The following CHST6 variants were observed in gnomAD, a reference collection of about 807,000 sequenced individuals.
CHST6 encodes the protein carbohydrate sulfotransferase 6.
For synonymous variants in CHST6, 309 were observed against 276.4 expected, an observed-to-expected ratio of 1.12 and a Z score of -1.17; for missense variants, 698 against 586.2, an observed-to-expected ratio of 1.19 and a Z score of -1.97.
chr16:75,485,572 CTT>C (rs2080187471), intron 1 of CHST6, among the ~76,000 whole-genome samples: 2 of 152,164 alleles, frequency 1.3e-5, no homozygotes, highest in South Asian at 4.1e-4. Flanking sequence ...CTTGTTTTTT[CTT>C]GTTTCCCTTA....
intron 1 of CHST6, among the ~76,000 whole-genome samples, chr16:75,490,362 C>G (rs2080242124): frequency 6.6e-6 from 1 of 151,776 alleles, no homozygotes; most frequent in Non-Finnish European, 1.5e-5. Context: ...CCTGTAAACC[C>G]AGCTACTCGG....
chr16:75,478,620 C>G lies in CHST6; in HGVS notation c.*21G>C. ...TGCACTCTCCTCCCGGGCCTAGCGC[C>G]TGCTACAACTGTGGCCTCCACTAAT... On this transcript the variant is annotated 3_prime_UTR_variant, in exon 3 of 3. Coordinates refer to ENST00000332272, the MANE Select transcript of CHST6 (RefSeq NM_021615.5). 1 of 1,611,042 alleles carries G rather than the reference C, an allele frequency of 6.2e-7. No homozygotes were observed. Among genetic ancestry groups the G allele is most frequent in the Non-Finnish European group, 8.5e-7 (1 of 1,178,224 alleles).
rs765859166 is a variant in CHST6 at position 75,479,035 on chromosome 16, C to T, written c.794G>A (p.Arg265His). Residue 265 changes from arginine to histidine, a missense_variant, in exon 3 of 3, where the codon CGC (arginine) becomes CAC (histidine). Coordinates refer to ENST00000332272, the MANE Select transcript of CHST6 (RefSeq NM_021615.5). Reference sequence around the variant, plus strand: ...GAAGCGCACCAGGCGGTAGCGGCCGCGCAGAAAGGGTGGCGGCTTGAGTGT... The same window carrying T: ...GAAGCGCACCAGGCGGTAGCGGCCGTGCAGAAAGGGTGGCGGCTTGAGTGT... ...AATLKPPPFL[R>H]GRYRLVRFED... 6.2e-7 allele frequency: 1 copy of T among 1,609,586 alleles called. No individual in the cohort carries two copies. The highest frequency in any genetic ancestry group is 8.5e-7 in the Non-Finnish European group (1 of 1,179,786).
intron 1 of CHST6, among the ~76,000 whole-genome samples, chr16:75,486,154 C>T (rs966511771): frequency 6.6e-6 from 1 of 152,238 alleles, no homozygotes; most frequent in African/African-American, 2.4e-5. Context: ...ATTTCAGCCT[C>T]GCCTGCAGCC....
intron 1 of CHST6, among the ~76,000 whole-genome samples, chr16:75,489,688 C>G (rs111750821): frequency 1.3e-5 from 2 of 152,058 alleles, no homozygotes; most frequent in African/African-American, 4.8e-5. Flanking sequence ...ATCATGTCTA[C>G]AGAATGGGAC....
At chr16:75,482,160 C>G (rs561066093) in intron 1 of CHST6, among the ~76,000 whole-genome samples, 5 of 152,136 alleles carry the variant, frequency 3.3e-5, no homozygotes, top group Admixed American at 6.5e-5. Context: ...AGTCTCCCCC[C>G]AGAGGAGACA....
intron 1 of CHST6, among the ~76,000 whole-genome samples, chr16:75,488,005 CA>C (rs1175743302): frequency 6.6e-6 from 1 of 151,834 alleles, no homozygotes; most frequent in African/African-American, 2.4e-5. Flanking sequence ...AAAAAACAAA[CA>C]AACAAACAAA....
At chr16:75,492,075 C>T (rs1256616677) in intron 1 of CHST6, among the ~76,000 whole-genome samples, 2 of 152,208 alleles carry the variant, frequency 1.3e-5, no homozygotes, top group Non-Finnish European at 2.9e-5. Context: ...GACTGCAAGG[C>T]CCAGATGCTG....
chr16:75,474,090 G>C lies in CHST6; in HGVS notation c.*4551C>G, dbSNP rs553985159. 6.6e-6 allele frequency: 1 copy of C among 152,122 alleles called. No individual in the cohort carries two copies. The allele number at this position is 152,122 out of a possible 1,614,324, so 9.4% of individuals were successfully genotyped here. A position where few individuals can be genotyped will look rare whatever the true frequency, so the allele number is the denominator to read the frequency against. ...CTCGGGAGGCTGAGGCAGGAGAATC[G>C]CTTGAAACTGGGAGGCGGAGGTTGC... On this transcript the variant is annotated 3_prime_UTR_variant, in exon 3 of 3. Coordinates refer to ENST00000332272, the MANE Select transcript of CHST6 (RefSeq NM_021615.5).
intron 1 of CHST6, among the ~76,000 whole-genome samples, chr16:75,485,222 T>C (rs1480457504): frequency 1.3e-5 from 2 of 152,256 alleles, no homozygotes; most frequent in South Asian, 4.1e-4. Context: ...GTGGTCCTTC[T>C]TAAGTCACAG....
intron 1 of CHST6, among the ~76,000 whole-genome samples, chr16:75,487,233 T>C (rs2080207705): frequency 3.3e-5 from 5 of 152,216 alleles, no homozygotes; most frequent in Admixed American, 1.3e-4. Context: ...GAAGGAGCTA[T>C]GGTTCTGCCT....
chr16:75,481,118 A>C (rs2080137173), intron 2 of CHST6, among the ~76,000 whole-genome samples: 2 of 150,904 alleles, frequency 1.3e-5, no homozygotes, highest in Admixed American at 1.3e-4. Flanking sequence ...TAAAAAAAAC[A>C]AAAAAAGGAA....
At chr16:75,482,189 T>G (rs927912847) in intron 1 of CHST6, among the ~76,000 whole-genome samples, 10 of 152,074 alleles carry the variant, frequency 6.6e-5, no homozygotes, top group African/African-American at 2.4e-4. Flanking sequence ...CCACCTACTC[T>G]TCCAATCCCA....
At position 75,479,577 on chromosome 16, in the gene CHST6, G is replaced by A. The variant is rs1432988958; in HGVS notation, c.252C>T (p.Ser84=). 19 of 1,612,898 alleles carry A rather than the reference G, an allele frequency of 1.2e-5. No homozygotes were observed. Among genetic ancestry groups the A allele is most frequent in the Non-Finnish European group, 1.4e-5 (17 of 1,179,916 alleles). The stretch of plus-strand genomic sequence containing the variant: ...GCACAGCCATGTGCAGCGTTGCGGC[G>A]CTGCCCTGCGACAGGGTGGTCCACA... The part of the protein sequence containing the change: ...WHVWTTLSQG[S]AATLHMAVRD... The change falls in exon 3 of 3, where the codon AGC becomes AGT. Residue 84 remains serine (S), a synonymous_variant. Coordinates refer to ENST00000332272, the MANE Select transcript of CHST6 (RefSeq NM_021615.5).
rs1567408604 is a variant in CHST6 at position 75,478,914 on chromosome 16, G to A, written c.915C>T (p.Asn305=). Residue 305 remains asparagine (N), a synonymous_variant, in exon 3 of 3, where the codon AAC becomes AAT. Transcript: ENST00000332272. ...LTPQLEAWIH[N]ITHGSGPGAR... ...CACCAGGTCCAGATCCGTGGGTGAT[G>A]TTATGGATCCAGGCCTCGAGCTGTG... The A allele has an allele frequency of 3.7e-6, 6 of 1,613,220 alleles. No homozygotes were observed. The highest frequency in any genetic ancestry group is 4.2e-6 in the Non-Finnish European group (5 of 1,179,954).
chr16:75,487,531 T>G (rs530524670), intron 1 of CHST6, among the ~76,000 whole-genome samples: 2 of 152,038 alleles, frequency 1.3e-5, no homozygotes, highest in African/African-American at 2.4e-5. Flanking sequence ...CCAGGCGTGG[T>G]GGCTCACGCC....
At chr16:75,492,902 A>T (rs558556532) in intron 1 of CHST6, among the ~76,000 whole-genome samples, 1 of 152,266 alleles carries the variant, frequency 6.6e-6, no homozygotes, top group South Asian at 2.1e-4. Context: ...CAAATGCAAC[A>T]TGTGGACCTT....
At chr16:75,483,619 A>G (rs1184773164) in intron 1 of CHST6, among the ~76,000 whole-genome samples, 1 of 152,162 alleles carries the variant, frequency 6.6e-6, no homozygotes, top group Admixed American at 6.6e-5. Context: ...ATTAAATGCT[A>G]TCATCCCAAG....
At chr16:75,494,805 G>C (rs1034325516) in intron 1 of CHST6, 135 bp downstream of exon 1, 1 of 152,428 alleles carries the variant, frequency 6.6e-6, no homozygotes, top group Non-Finnish European at 1.5e-5. Flanking sequence ...TGATGGAAAA[G>C]CCACTCCCAG....
Sources: allele counts gnomAD v4.1 joint callset (sites outside exome capture counted in the v4.1 genomes callset), GRCh38; gene constraint gnomAD v4.1.1; transcripts MANE v1.5; gene names NCBI Gene and HGNC (gene_info 2026-07-23, HGNC 2026-07-21).